The following ATP10B variants were observed in gnomAD, a reference collection of about 807,000 sequenced individuals.
ATP10B encodes phospholipid-transporting ATPase VB.
ATP10B carries 122 observed loss-of-function variants against 141.2 expected under a neutral mutation model. The ratio of observed to expected loss-of-function variants is 0.86; its 90% CI spans 0.75 to 1.00. The LOEUF (loss-of-function observed/expected upper bound fraction) is 1.00. Ranked by LOEUF, ATP10B falls within the 50% of genes least tolerant of loss-of-function variation. The pLI is 0.00. For missense variants in ATP10B, 1,876 were observed against 1,825.3 expected (o/e 1.03, Z -0.51); for synonymous variants, 685 against 692.0 (o/e 0.99, Z 0.16).
chr5:160,838,846 G>C (rs1357820640), intron 1 of ATP10B, among the ~76,000 whole-genome samples: 2 of 152,260 alleles, frequency 1.3e-5, no homozygotes, highest in Non-Finnish European at 2.9e-5. Context: ...GAAGGTGATT[G>C]GATCATGGGG....
the ATP10B span, among the ~76,000 whole-genome samples, chr5:160,862,347 G>A: frequency 2.0e-5 from 3 of 152,012 alleles, no homozygotes; most frequent in African/African-American, 4.8e-5. Flanking sequence ...TCTGTGGATA[G>A]CAGTGTTAGC....
At chr5:160,653,669 ATAT>A (rs1379453314) in intron 7 of ATP10B, among the ~76,000 whole-genome samples, 172 of 72,548 alleles carry the variant, frequency 2.4e-3, no homozygotes, top group African/African-American at 7.2e-3. Context: ...ATATACATAT[ATAT>A]TATATATACA....
intron 2 of ATP10B, among the ~76,000 whole-genome samples, chr5:160,777,026 C>T (rs934228072): frequency 9.2e-5 from 14 of 152,174 alleles, no homozygotes; most frequent in Non-Finnish European, 1.6e-4. Context: ...GTGCCTGAGC[C>T]AGACCCTGCC....
At chr5:160,701,722 G>A (rs1218270030) in intron 3 of ATP10B, among the ~76,000 whole-genome samples, 1 of 151,484 alleles carries the variant, frequency 6.6e-6, no homozygotes, top group Non-Finnish European at 1.5e-5. Context: ...AATGCCTTCT[G>A]GGAACAGTCA....
chr5:160,848,030 G>A (rs1313657437), intron 1 of ATP10B, among the ~76,000 whole-genome samples: 1 of 152,026 alleles, frequency 6.6e-6, no homozygotes, highest in East Asian at 1.9e-4. Context: ...TTTATGCCTG[G>A]GGAAAATAAC....
chr5:160,632,477 T>A, intron 12 of ATP10B, 110 bp from the exon 13 acceptor site: 1 of 1,011,644 alleles, frequency 9.9e-7, no homozygotes, highest in Non-Finnish European at 1.5e-6. Context: ...GGGCCTATGC[T>A]ACTCTGAAAA....
chr5:160,916,578 T>C, the ATP10B span, among the ~76,000 whole-genome samples: 14 of 152,222 alleles, frequency 9.2e-5, no homozygotes, highest in Admixed American at 2.6e-4. Context: ...CATGTTTAAC[T>C]CCTTTAATTC....
chr5:160,620,978 A>G, intron 14 of ATP10B, 28 bp from the exon 15 acceptor site: 1 of 1,580,294 alleles, frequency 6.3e-7, no homozygotes, highest in Non-Finnish European at 8.6e-7. Flanking sequence ...AAAGTGGAAT[A>G]TTACTCTCAA....
At chr5:160,867,047 T>A in the ATP10B span, among the ~76,000 whole-genome samples, 101 of 152,280 alleles carry the variant, frequency 6.6e-4, 1 homozygote, top group East Asian at 0.019. Flanking sequence ...AGTTCCATCA[T>A]GTACTAGCTA....
intron 5 of ATP10B, among the ~76,000 whole-genome samples, chr5:160,687,488 G>T (rs1218949913): frequency 6.6e-6 from 1 of 152,196 alleles, no homozygotes; most frequent in Non-Finnish European, 1.5e-5. Context: ...TGGTGGCCGG[G>T]TGTGGTGGCT....
chr5:160,880,677 A>T, the ATP10B span, among the ~76,000 whole-genome samples: 1 of 152,328 alleles, frequency 6.6e-6, no homozygotes, highest in African/African-American at 2.4e-5. Flanking sequence ...AAATGAGCAA[A>T]TATAATACAA....
intron 6 of ATP10B, among the ~76,000 whole-genome samples, chr5:160,676,807 G>C (rs530216342): frequency 3.3e-5 from 5 of 152,238 alleles, no homozygotes; most frequent in African/African-American, 9.6e-5. Flanking sequence ...CTCCATTACA[G>C]GTTAGCTGCC....
rs1767978782 is a variant in ATP10B at position 160,748,927 on chromosome 5, C to T, written c.-330-31893G>A. Reference sequence around the variant, plus strand: ...CTCTGGGCTAGGCCCTGCACTTGGCCCCCCGTATAAATGACCTCTAATATT... The same window carrying T: ...CTCTGGGCTAGGCCCTGCACTTGGCTCCCCGTATAAATGACCTCTAATATT... On this transcript the variant is annotated intron_variant, in intron 2 of 25. Coordinates refer to ENST00000327245, the MANE Select transcript of ATP10B (RefSeq NM_025153.3). Among the ~76,000 whole-genome samples the T allele has an allele frequency of 2.0e-5, 3 of 152,058 alleles. No homozygotes were observed. In the South Asian group the frequency reaches 6.2e-4, roughly 32 times the overall value.
chr5:160,869,930 T>A, the ATP10B span, among the ~76,000 whole-genome samples: 4 of 152,126 alleles, frequency 2.6e-5, no homozygotes, highest in African/African-American at 9.7e-5. Flanking sequence ...CCTTCAAACA[T>A]GCTTCTGTCA....
intron 2 of ATP10B, among the ~76,000 whole-genome samples, chr5:160,757,360 T>G (rs956804444): frequency 6.6e-6 from 1 of 152,208 alleles, no homozygotes; most frequent in Non-Finnish European, 1.5e-5. Context: ...ATTTTTTTAT[T>G]GGCTTTAAAA....
chr5:160,757,639 T>A (rs1768723770), intron 2 of ATP10B, among the ~76,000 whole-genome samples: 2 of 152,128 alleles, frequency 1.3e-5, no homozygotes, highest in African/African-American at 2.4e-5. Context: ...TTTTTTAAAA[T>A]GGAATTTTAA....
At chr5:160,662,490 C>T (rs1374502778) in intron 7 of ATP10B, among the ~76,000 whole-genome samples, 14 of 152,132 alleles carry the variant, frequency 9.2e-5, no homozygotes, top group Non-Finnish European at 1.9e-4. Context: ...GAAATAATGC[C>T]ACATATCTAC....
At chr5:160,656,702 C>G (rs954652532) in intron 7 of ATP10B, among the ~76,000 whole-genome samples, 3 of 147,530 alleles carry the variant, frequency 2.0e-5, no homozygotes, top group African/African-American at 7.4e-5. Context: ...CACAAAGGGT[C>G]TTTTTTTTTT....
the ATP10B span, among the ~76,000 whole-genome samples, chr5:160,869,465 T>C: frequency 6.6e-6 from 1 of 152,106 alleles, no homozygotes; most frequent in Non-Finnish European, 1.5e-5. Flanking sequence ...ACTGCCTTTT[T>C]ATTTCAGTTG....
Sources: gnomAD v4.1 joint callset for allele counts (sites outside exome capture counted in the v4.1 genomes callset) on GRCh38, gnomAD v4.1.1 for gene constraint, MANE v1.5 for transcripts, NCBI Gene and HGNC (gene_info 2026-07-23, HGNC 2026-07-21) for gene names.